The following STAP1 variants were observed in gnomAD, a reference collection of about 807,000 sequenced individuals.
STAP1 encodes signal transducing adaptor family member 1.
Under a neutral mutation model 37.8 loss-of-function variants are expected in STAP1, and 30 were observed. The ratio of observed to expected loss-of-function variants is 0.79; its 90% CI spans 0.59 to 1.08. The LOEUF (loss-of-function observed/expected upper bound fraction) is 1.08, where lower values mean the gene tolerates loss of function less well. Ranked by LOEUF, STAP1 falls within the 50% of genes least tolerant of loss-of-function variation. The pLI, the probability that STAP1 is intolerant of heterozygous loss-of-function variation, is 0.00. For synonymous variants in STAP1, 130 were observed against 116.0 expected, an observed-to-expected ratio of 1.12 and a Z score of -0.78; for missense variants, 357 against 349.4, an observed-to-expected ratio of 1.02 and a Z score of -0.17.
intron 1 of STAP1, among the ~76,000 whole-genome samples, chr4:67,559,694 ATTAAG>A (rs1048030116): frequency 3.3e-5 from 5 of 152,124 alleles, no homozygotes; most frequent in Non-Finnish European, 5.9e-5. Flanking sequence ...TAAAAAAATC[ATTAAG>A]TTAGGTCAAA....
chr4:67,600,136 A>G (rs1728309449), intron 8 of STAP1, among the ~76,000 whole-genome samples: 1 of 152,038 alleles, frequency 6.6e-6, no homozygotes, highest in South Asian at 2.1e-4. Context: ...GTAGATGCTT[A>G]TTGGTATAAA....
chr4:67,596,024 G>A (rs1373772493), intron 8 of STAP1, among the ~76,000 whole-genome samples: 1 of 152,116 alleles, frequency 6.6e-6, no homozygotes, highest in Non-Finnish European at 1.5e-5. Context: ...ATGATATTCT[G>A]TAACATTTGA....
intron 1 of STAP1, among the ~76,000 whole-genome samples, chr4:67,570,704 GAA>G (rs869272736): frequency 7.9e-5 from 12 of 151,264 alleles, no homozygotes; most frequent in Admixed American, 1.3e-4. Flanking sequence ...AAGAAAGAAA[GAA>G]AGAGAAAGGA....
rs1727915168 is a variant in STAP1 at position 67,583,632 on chromosome 4, T to G, written c.589T>G (p.Leu197Val). Residue 197 changes from leucine (L) to valine (V), a missense_variant, in exon 6 of 9, where the codon TTG becomes GTG. Coordinates refer to ENST00000265404, the MANE Select transcript of STAP1 (RefSeq NM_012108.4). ...ATEMLQKNPS[L>V]GNMILRPGSD... ...TGAGATGCTCCAGAAGAACCCTTCT[T>G]TGGGAAATATGATCCTGAGGCCTGG... 1 of 1,613,962 alleles carries G rather than the reference T, an allele frequency of 6.2e-7. No homozygotes were observed. The highest frequency in any genetic ancestry group is 2.2e-5 in the East Asian group (1 of 44,858).
At chr4:67,588,922 A>C (rs1728060076) in intron 6 of STAP1, among the ~76,000 whole-genome samples, 1 of 152,174 alleles carries the variant, frequency 6.6e-6, no homozygotes, top group Non-Finnish European at 1.5e-5. Flanking sequence ...AAATGGTTAT[A>C]ATTTACTGAA....
At chr4:67,596,787 A>C (rs989550203) in intron 8 of STAP1, among the ~76,000 whole-genome samples, 3 of 152,236 alleles carry the variant, frequency 2.0e-5, no homozygotes, top group Non-Finnish European at 4.4e-5. Flanking sequence ...ACAGTGTTCA[A>C]GATGTGACCT....
In STAP1 at chr4:67,563,081, A is replaced by G. The variant is rs1727387392; in HGVS notation, c.120+4152A>G. On this transcript the variant is annotated intron_variant, in intron 1 of 8. Coordinates refer to ENST00000265404, the MANE Select transcript of STAP1 (RefSeq NM_012108.4). ...GAAGAGAAACTTAACTGGAGCTTGC[A>G]TTGTAATTCATTTTTGCTAGTTAAT... 3.3e-5 allele frequency among the ~76,000 whole-genome samples: 5 copies of G among 152,208 alleles called. No homozygotes were observed. In the South Asian group the frequency reaches 8.3e-4, roughly 25 times the overall value.
chr4:67,562,301 C>T (rs570426767), intron 1 of STAP1, among the ~76,000 whole-genome samples: 80 of 151,828 alleles, frequency 5.3e-4, no homozygotes, highest in African/African-American at 1.8e-3. Context: ...AAGATCGTGC[C>T]ACTGCACTCC....
chr4:67,570,977 A>C (rs1386291131), intron 1 of STAP1, 107 bp from the exon 2 acceptor site: 2 of 870,490 alleles, frequency 2.3e-6, no homozygotes, highest in Non-Finnish European at 3.7e-6. Flanking sequence ...GATAAAGAAG[A>C]CTTCTTATAT....
chr4:67,602,909 T>C (rs1325828480), intron 8 of STAP1, among the ~76,000 whole-genome samples: 1 of 151,768 alleles, frequency 6.6e-6, no homozygotes, highest in East Asian at 1.9e-4. Flanking sequence ...CACTCAAGGC[T>C]CAAGGGCTCA....
At chr4:67,578,423 C>T (rs1243627506) in intron 4 of STAP1, among the ~76,000 whole-genome samples, 3 of 152,140 alleles carry the variant, frequency 2.0e-5, no homozygotes, top group African/African-American at 7.2e-5. Context: ...TTTATTTCAG[C>T]CAGTAACAGG....
At chr4:67,587,613 G>A (rs1456895304) in intron 6 of STAP1, among the ~76,000 whole-genome samples, 1 of 152,162 alleles carries the variant, frequency 6.6e-6, no homozygotes, top group Non-Finnish European at 1.5e-5. Context: ...AGCTAAGGAA[G>A]CAGTAGGAAA....
intron 4 of STAP1, among the ~76,000 whole-genome samples, chr4:67,579,340 T>C (rs1727798350): frequency 1.3e-5 from 2 of 152,338 alleles, no homozygotes; most frequent in Middle Eastern, 3.4e-3. Flanking sequence ...TGCTTTTGAA[T>C]CAAATAAACC....
At chr4:67,561,047 T>C (rs1727327225) in intron 1 of STAP1, among the ~76,000 whole-genome samples, 1 of 152,164 alleles carries the variant, frequency 6.6e-6, no homozygotes, top group African/African-American at 2.4e-5. Flanking sequence ...GGATAGCATA[T>C]GTAAAACACC....
intron 6 of STAP1, among the ~76,000 whole-genome samples, chr4:67,584,776 T>C (rs544191325): frequency 3.4e-4 from 51 of 152,216 alleles, no homozygotes; most frequent in Non-Finnish European, 6.3e-4. Flanking sequence ...GGAGAGGAGA[T>C]TCCAGAGTCA....
intron 1 of STAP1, among the ~76,000 whole-genome samples, chr4:67,560,730 C>T (rs2109850873): frequency 6.6e-6 from 1 of 151,866 alleles, no homozygotes; most frequent in East Asian, 1.9e-4. Context: ...ACTAGTCATG[C>T]AGCCTTGACA....
At chr4:67,599,919 G>A (rs1728304787) in intron 8 of STAP1, among the ~76,000 whole-genome samples, 1 of 152,104 alleles carries the variant, frequency 6.6e-6, no homozygotes, top group African/African-American at 2.4e-5. Flanking sequence ...TGGGATTACA[G>A]GTGTGAGCCA....
intron 4 of STAP1, among the ~76,000 whole-genome samples, chr4:67,581,016 T>G (rs1473973377): frequency 6.6e-6 from 1 of 152,198 alleles, no homozygotes; most frequent in Non-Finnish European, 1.5e-5. Flanking sequence ...TTGTTGTTAC[T>G]TGAATTAGCT....
intron 7 of STAP1, among the ~76,000 whole-genome samples, chr4:67,591,338 A>G (rs1419564722): frequency 6.6e-6 from 1 of 152,210 alleles, no homozygotes; most frequent in Non-Finnish European, 1.5e-5. Context: ...TAATAGCAAC[A>G]TAGTAGTGAA....
Sources: allele counts gnomAD v4.1 joint callset (sites outside exome capture counted in the v4.1 genomes callset), GRCh38; gene constraint gnomAD v4.1.1; transcripts MANE v1.5; gene names NCBI Gene and HGNC (gene_info 2026-07-23, HGNC 2026-07-21).